PAQR7: variants seen among roughly 807,000 people sequenced by gnomAD.
PAQR7 encodes the protein progestin and adipoQ receptor family member 7, also known as membrane progestin receptor alpha.
Under a neutral mutation model 24.6 loss-of-function variants are expected in PAQR7, and 14 were observed. The observed-to-expected ratio is 0.57, with a 90% CI of 0.38 to 0.89. The LOEUF is 0.89. PAQR7 is among the 40% of genes least tolerant of loss of function. The probability of loss-of-function intolerance (pLI) is 0.00; values close to 1 mark genes in which losing one functional copy is unlikely to be tolerated. For synonymous variants in PAQR7, 189 were observed against 198.8 expected, an observed-to-expected ratio of 0.95 and a Z score of 0.42; for missense variants, 351 against 444.0, an observed-to-expected ratio of 0.79 and a Z score of 1.88.
intron 1 of PAQR7, among the ~76,000 whole-genome samples, chr1:25,874,979 G>A (rs2048637097): frequency 1.3e-5 from 2 of 152,110 alleles, no homozygotes; most frequent in African/African-American, 4.8e-5. Flanking sequence ...GCCGGTTCTG[G>A]GCACCCATAC....
At chr1:25,865,594 G>A (rs189623791) in intron 2 of PAQR7, among the ~76,000 whole-genome samples, 5,917 of 152,250 alleles carry the variant, frequency 0.039, 377 homozygotes, top group African/African-American at 0.13. Flanking sequence ...CGGATCATGA[G>A]GTCAGGAGAT....
Position 25,862,381 on chromosome 1 carries a change from A to G in PAQR7, c.*418T>C, listed in dbSNP as rs1159606695. The G allele has an allele frequency of 5.3e-6, 1 of 187,778 alleles. No individual in the cohort carries two copies. Among genetic ancestry groups the G allele is most frequent in the East Asian group, 1.5e-4 (1 of 6,862 alleles). 11.6% of individuals were successfully genotyped at this position (187,778 alleles called of 1,614,324 possible). ...GGGCCTACCCCTTCCGCATCCAGCA[A>G]TGAAATCTGAGTAGAAGTAGGTTGC... On this transcript the variant is annotated 3_prime_UTR_variant, in exon 3 of 3. Coordinates refer to ENST00000675840, the MANE Select transcript of PAQR7 (RefSeq NM_178422.6).
intron 1 of PAQR7, among the ~76,000 whole-genome samples, chr1:25,873,416 C>A (rs776553110): frequency 1.3e-5 from 2 of 152,172 alleles, no homozygotes; most frequent in African/African-American, 2.4e-5. Flanking sequence ...AACTGGGTCA[C>A]CTCCCTCAAT....
rs139949111 is a variant in PAQR7, at chr1:25,865,263, C to T, written c.-22-1402G>A. ...TGCTTATCATCAGACCATCCTTTGACGATTTTCACATTTCTCATGATTGTT... is the reference window on the plus strand; with the variant it reads ...TGCTTATCATCAGACCATCCTTTGATGATTTTCACATTTCTCATGATTGTT... On this transcript the variant is annotated intron_variant, in intron 2 of 2. Transcript: ENST00000675840. Among the ~76,000 whole-genome samples the T allele has an allele frequency of 8.7e-4, 133 of 152,100 alleles. No homozygotes were observed. The Middle Eastern group carries it at 0.01, about 12-fold the overall frequency.
At chr1:25,874,369 T>C (rs1011895011) in intron 1 of PAQR7, among the ~76,000 whole-genome samples, 3 of 152,058 alleles carry the variant, frequency 2.0e-5, no homozygotes, top group East Asian at 1.9e-4. Context: ...TTAAAGAAAG[T>C]ATTCTGTGGA....
chr1:25,863,387 A>G lies in PAQR7; in HGVS notation c.453T>C (p.Phe151=). The change falls in exon 3 of 3, where the codon TTT becomes TTC. Residue 151 remains phenylalanine (F), a synonymous_variant. Coordinates refer to ENST00000675840, the MANE Select transcript of PAQR7 (RefSeq NM_178422.6). This position sits in a 1 kb window ranked among gnomAD's most constrained non-coding sequence, Gnocchi z 6.1. The part of the protein sequence containing the change: ...LDYVGVAVYQ[F]GSALAHFYYA... ...AGTAGAAGTGTGCCAAGGCACTGCC[A>G]AACTGGTACACGGCCACCCCCACAT... The G allele has an allele frequency of 6.2e-7, 1 of 1,614,250 alleles. No individual in the cohort carries two copies. The highest frequency in any genetic ancestry group is 1.3e-5 in the African/African-American group (1 of 75,078).
intron 2 of PAQR7, among the ~76,000 whole-genome samples, chr1:25,864,494 G>A (rs72879474): frequency 0.019 from 2,906 of 152,176 alleles, 89 homozygotes; most frequent in African/African-American, 0.062. Flanking sequence ...AGCTTTACAC[G>A]AGCCGTTCCC....
intron 1 of PAQR7, among the ~76,000 whole-genome samples, chr1:25,874,206 G>T (rs1246960927): frequency 6.7e-6 from 1 of 148,674 alleles, no homozygotes; most frequent in Admixed American, 6.7e-5. Flanking sequence ...TTTAAACAGG[G>T]TCTATGCTCT....
chr1:25,862,929 T>G lies in PAQR7; in HGVS notation c.911A>C (p.Tyr304Ser). 6.2e-7 allele frequency: 1 copy of G among 1,613,862 alleles called. No homozygotes were observed. ...AGGCCAGTGCGTGTGCAGAGGCTCATAGATGGGCCGTCGGGCCTCATAGTC... is the reference window on the plus strand; with the variant it reads ...AGGCCAGTGCGTGTGCAGAGGCTCAGAGATGGGCCGTCGGGCCTCATAGTC... ...ALDYEARRPI[Y>S]EPLHTHWPHN... The change falls in exon 3 of 3, where the codon TAT (tyrosine) becomes TCT (serine). Residue 304 changes from tyrosine to serine, a missense_variant. Coordinates refer to ENST00000675840, the MANE Select transcript of PAQR7 (RefSeq NM_178422.6).
rs769914462 is a variant in PAQR7, at chr1:25,863,027, G to A, written c.813C>T (p.Phe271=). Residue 271 remains phenylalanine, a synonymous_variant, in exon 3 of 3, where the codon TTC becomes TTT. Transcript: ENST00000675840. The surrounding 1 kb of genome is among the most constrained non-coding windows in gnomAD (Gnocchi z 6.1). ...TGTGGAAAAGTTGGTGGCCCTGCCCGAAGACATGGCAGCTGCCAGGGAACC... is the reference window on the plus strand; with the variant it reads ...TGTGGAAAAGTTGGTGGCCCTGCCCAAAGACATGGCAGCTGCCAGGGAACC... ...ERWFPGSCHV[F]GQGHQLFHIF... is the part of the protein sequence containing the mutation. 8.1e-6 allele frequency: 13 copies of A among 1,614,032 alleles called. No homozygotes were observed. Among genetic ancestry groups the A allele is most frequent in the Admixed American group, 6.7e-5 (4 of 60,002 alleles).
intron 2 of PAQR7, among the ~76,000 whole-genome samples, chr1:25,867,755 C>G (rs1373485992): frequency 6.6e-6 from 1 of 152,242 alleles, no homozygotes; most frequent in East Asian, 1.9e-4. Context: ...ACCCCACCCC[C>G]ACAAGCCCAC....
At chr1:25,870,194 C>T (rs1572280944) in intron 2 of PAQR7, among the ~76,000 whole-genome samples, 1 of 152,156 alleles carries the variant, frequency 6.6e-6, no homozygotes, top group East Asian at 1.9e-4. Context: ...GTCGTGTGCC[C>T]ACCAGGCTGC....
chr1:25,865,304 A>T (rs1482095415), intron 2 of PAQR7, among the ~76,000 whole-genome samples: 2 of 152,192 alleles, frequency 1.3e-5, no homozygotes, highest in African/African-American at 4.8e-5. Context: ...GAGCTCATCA[A>T]GGGGAGGCAG....
In PAQR7 at chr1:25,863,315, C is replaced by G; in HGVS notation, c.525G>C (p.Leu175=). The change falls in exon 3 of 3, where the codon CTG becomes CTC. Residue 175 remains leucine (L), a synonymous_variant. Coordinates refer to ENST00000675840, the MANE Select transcript of PAQR7 (RefSeq NM_178422.6). This position sits in a 1 kb window ranked among gnomAD's most constrained non-coding sequence, Gnocchi z 6.1. Reference sequence around the variant, plus strand: ...GCCAGGCGAGAAAGGCAGCCATGGGCAGAAAAACAGCCTGCACCTGGGCAT... The same window carrying G: ...GCCAGGCGAGAAAGGCAGCCATGGGGAGAAAAACAGCCTGCACCTGGGCAT... ...AWHAQVQAVF[L]PMAAFLAWLS... The G allele has an allele frequency of 1.2e-6, 2 of 1,614,172 alleles. No individual in the cohort carries two copies. Among genetic ancestry groups the G allele is most frequent in the Non-Finnish European group, 1.7e-6 (2 of 1,180,044 alleles).
chr1:25,864,358 C>T (rs1279725695), intron 2 of PAQR7, among the ~76,000 whole-genome samples: 1 of 152,152 alleles, frequency 6.6e-6, no homozygotes, highest in Non-Finnish European at 1.5e-5. Context: ...GGGTCCCCTA[C>T]TGACCCTCCA....
In PAQR7 at chr1:25,868,709, C is replaced by CAA. The variant is rs35304131; in HGVS notation, c.-23+1898_-23+1899dup. Among the ~76,000 whole-genome samples, 338 of 89,422 alleles carry CAA rather than the reference C, an allele frequency of 3.8e-3. 5 individuals are homozygous for CAA. Among genetic ancestry groups the CAA allele is most frequent in the South Asian group, 0.021 (39 of 1,858 alleles). 58.7% of individuals were successfully genotyped at this position (89,422 alleles called of 152,430 possible). ...TGGGTGACAGAGTGAGACCCTTTCT[C>CAA]AAAAAAAAAAAAAAAAAAAAAGCTC... On this transcript the variant is annotated intron_variant, in intron 2 of 2. Coordinates refer to ENST00000675840, the MANE Select transcript of PAQR7 (RefSeq NM_178422.6).
chr1:25,862,590 G>A lies in PAQR7; in HGVS notation c.*209C>T, dbSNP rs532860058. The stretch of plus-strand genomic sequence containing the variant: ...TTTCCCTCTCCCTGGGCAAGGAGCT[G>A]GGGCAGGCCCAGGAGTGGACCCCAG... On this transcript the variant is annotated 3_prime_UTR_variant, in exon 3 of 3. Transcript: ENST00000675840. 38 of 594,860 alleles carry A rather than the reference G, an allele frequency of 6.4e-5. No individual in the cohort carries two copies. The highest frequency in any genetic ancestry group is 5.6e-4 in the African/African-American group (30 of 53,842). 36.8% of individuals were successfully genotyped at this position (594,860 alleles called of 1,614,324 possible).
chr1:25,867,264 G>A (rs1343157145), intron 2 of PAQR7, among the ~76,000 whole-genome samples: 1 of 151,934 alleles, frequency 6.6e-6, no homozygotes, highest in Non-Finnish European at 1.5e-5. Flanking sequence ...TCGAACTCCT[G>A]GCCTCAAGCG....
Position 25,863,479 on chromosome 1 carries a change from T to C in PAQR7, c.361A>G (p.Ser121Gly). Residue 121 changes from serine to glycine, a missense_variant, in exon 3 of 3, where the codon AGT (serine) becomes GGT (glycine). Ser to Gly is a moderately conservative substitution (Grantham distance 56, BLOSUM62 0). Transcript: ENST00000675840. The surrounding 1 kb of genome is among the most constrained non-coding windows in gnomAD (Gnocchi z 6.1). The part of the protein sequence containing the change: ...VLASFTYLSF[S>G]ALAHLLQAKS... ...GCCTGCAGGAGGTGAGCCAAGGCAC[T>C]GAAGGAGAGGTAGGTGAAAGAGGCA... 2 of 1,614,048 alleles carry C rather than the reference T, an allele frequency of 1.2e-6. No individual in the cohort carries two copies. The highest frequency in any genetic ancestry group is 1.1e-5 in the South Asian group (1 of 91,072).
Sources: allele counts gnomAD v4.1 joint callset (sites outside exome capture counted in the v4.1 genomes callset), GRCh38; gene constraint gnomAD v4.1.1; non-coding constraint Gnocchi (gnomAD v3.1); transcripts MANE v1.5; gene names NCBI Gene and HGNC (gene_info 2026-07-23, HGNC 2026-07-21).